NRG3: variants seen among roughly 807,000 people sequenced by gnomAD.
NRG3 encodes the protein pro-neuregulin-3, membrane-bound isoform.
Under a neutral mutation model 66.9 loss-of-function variants are expected in NRG3, and 31 were observed. The observed-to-expected ratio is 0.46, with a 90% CI of 0.35 to 0.63. The LOEUF is 0.63. Ranked by LOEUF, NRG3 falls within the 20% of genes least tolerant of loss-of-function variation. The pLI, the probability that NRG3 is intolerant of heterozygous loss-of-function variation, is 0.00. For synonymous variants in NRG3, 393 were observed against 359.4 expected (o/e 1.09, Z -1.06); for missense variants, 910 against 878.9 (o/e 1.04, Z -0.45).
rs10218846 is a variant in NRG3, at chr10:82,986,451, C to A, written c.*846C>A. On this transcript the variant is annotated 3_prime_UTR_variant, in exon 9 of 9. Transcript: ENST00000372141. ...GCTGTAAGCACATGTGTTCATTGTG[C>A]GTATGTGTGTGCATGTGTGCGCGTA... The A allele has an allele frequency of 1.3e-5, 2 of 152,064 alleles. No homozygotes were observed. Among genetic ancestry groups the A allele is most frequent in the Non-Finnish European group, 2.9e-5 (2 of 68,016 alleles). The allele number at this position is 152,064 out of a possible 1,614,324, so 9.4% of individuals were successfully genotyped here.
intron 1 of NRG3, among the ~76,000 whole-genome samples, chr10:81,908,937 T>C (rs1481807456): frequency 6.6e-6 from 1 of 152,150 alleles, no homozygotes; most frequent in Non-Finnish European, 1.5e-5. Context: ...GTGGAGGTGA[T>C]GGGAGTTGTA....
chr10:82,240,350 AG>A (rs1422156547), intron 1 of NRG3, among the ~76,000 whole-genome samples: 1 of 152,196 alleles, frequency 6.6e-6, no homozygotes, highest in African/African-American at 2.4e-5. Flanking sequence ...CCAAATATGA[AG>A]ATGAAAGTGT....
chr10:82,685,657 A>AT (rs536884796), intron 2 of NRG3, among the ~76,000 whole-genome samples: 272 of 152,174 alleles, frequency 1.8e-3, no homozygotes, highest in African/African-American at 6.1e-3. Flanking sequence ...TAAACTTGTA[A>AT]TTTTTTTTAC....
At chr10:82,483,146 C>T (rs1384366401) in intron 2 of NRG3, among the ~76,000 whole-genome samples, 2 of 152,206 alleles carry the variant, frequency 1.3e-5, no homozygotes, top group African/African-American at 4.8e-5. Flanking sequence ...AATATATGCA[C>T]TCCCTACTTG....
chr10:82,331,572 A>G (rs865908760), intron 1 of NRG3, among the ~76,000 whole-genome samples: 1 of 152,182 alleles, frequency 6.6e-6, no homozygotes, highest in African/African-American at 2.4e-5. Context: ...TCATGTTATC[A>G]TATCTAATGG....
chr10:82,841,862 CA>C (rs1196279676), intron 3 of NRG3, among the ~76,000 whole-genome samples: 1 of 152,116 alleles, frequency 6.6e-6, no homozygotes, highest in African/African-American at 2.4e-5. Flanking sequence ...CTTGACCCAA[CA>C]AAAGTTTATT....
chr10:82,386,051 A>G (rs2085963261), intron 2 of NRG3, among the ~76,000 whole-genome samples: 2 of 152,274 alleles, frequency 1.3e-5, no homozygotes, highest in South Asian at 4.1e-4. Context: ...TCACTTTTCC[A>G]TGAGGCTTTT....
intron 2 of NRG3, among the ~76,000 whole-genome samples, chr10:82,652,634 A>G (rs2051515110): frequency 6.6e-6 from 1 of 152,060 alleles, no homozygotes; most frequent in Non-Finnish European, 1.5e-5. Context: ...AGGGCAGGCC[A>G]TGGGTGGTTT....
intron 2 of NRG3, among the ~76,000 whole-genome samples, chr10:82,584,988 T>C (rs945092402): frequency 6.7e-6 from 1 of 150,122 alleles, no homozygotes; most frequent in Non-Finnish European, 1.5e-5. Context: ...GTTGTTGTTG[T>C]TGTTGTTTGT....
chr10:82,834,824 T>C (rs1225149497), intron 3 of NRG3, among the ~76,000 whole-genome samples: 1 of 152,190 alleles, frequency 6.6e-6, no homozygotes, highest in African/African-American at 2.4e-5. Flanking sequence ...CATTTTTCCC[T>C]GGGCCTCACT....
At chr10:82,779,728 CT>C (rs564100342) in intron 3 of NRG3, among the ~76,000 whole-genome samples, 1,647 of 151,036 alleles carry the variant, frequency 0.011, 27 homozygotes, top group African/African-American at 0.038. Flanking sequence ...ATTTTCTATT[CT>C]TTTTTTTTAT....
At chr10:82,973,626 T>A (rs1209683624) in intron 6 of NRG3, among the ~76,000 whole-genome samples, 162 bp from the exon 7 acceptor site, 11 of 152,156 alleles carry the variant, frequency 7.2e-5, no homozygotes, top group Non-Finnish European at 2.9e-5. Context: ...GAATACTCAA[T>A]GTATTGGAAA....
chr10:82,910,826 G>C (rs943074731), intron 4 of NRG3, among the ~76,000 whole-genome samples: 2 of 152,230 alleles, frequency 1.3e-5, no homozygotes, highest in African/African-American at 4.8e-5. Flanking sequence ...TCTGGGTATG[G>C]AAGGGTTTCA....
At chr10:82,816,754 A>C (rs987643934) in intron 3 of NRG3, among the ~76,000 whole-genome samples, 6 of 152,194 alleles carry the variant, frequency 3.9e-5, no homozygotes, top group Non-Finnish European at 5.9e-5. Flanking sequence ...CCAACTCAGA[A>C]GGAGGTGGGG....
At chr10:82,251,002 T>C (rs2077460668) in intron 1 of NRG3, among the ~76,000 whole-genome samples, 1 of 152,224 alleles carries the variant, frequency 6.6e-6, no homozygotes. Context: ...AGAAAGTGAA[T>C]TAGTCACCAA....
chr10:82,207,197 A>G (rs777949905), intron 1 of NRG3, among the ~76,000 whole-genome samples: 3 of 152,178 alleles, frequency 2.0e-5, no homozygotes, highest in African/African-American at 4.8e-5. Context: ...AATCAATGCA[A>G]TTGTCCTAGC....
At chr10:82,333,917 C>T (rs773232172) in intron 1 of NRG3, among the ~76,000 whole-genome samples, 1 of 152,116 alleles carries the variant, frequency 6.6e-6, no homozygotes, top group Middle Eastern at 3.4e-3. Context: ...GAGCCGGGGG[C>T]GGTGACTCAC....
At chr10:82,742,053 C>T (rs949566058) in intron 3 of NRG3, among the ~76,000 whole-genome samples, 3 of 151,842 alleles carry the variant, frequency 2.0e-5, no homozygotes, top group African/African-American at 7.3e-5. Context: ...CCACTCAACT[C>T]CCTCCCTCCA....
chr10:82,223,995 T>G (rs1044807918), intron 1 of NRG3, among the ~76,000 whole-genome samples: 3 of 152,158 alleles, frequency 2.0e-5, no homozygotes, highest in African/African-American at 7.2e-5. Context: ...TGCCGGATTC[T>G]GGGCCAAAGT....
Sources: allele counts gnomAD v4.1 joint callset (sites outside exome capture counted in the v4.1 genomes callset), GRCh38; gene constraint gnomAD v4.1.1; transcripts MANE v1.5; gene names NCBI Gene and HGNC (gene_info 2026-07-23, HGNC 2026-07-21).